ITGA3: variants seen among roughly 807,000 people sequenced by gnomAD.
The protein encoded by ITGA3 is integrin alpha-3.
In ITGA3, 70 loss-of-function variants were observed where a neutral mutation model predicts 131.1. The observed-to-expected ratio is 0.53, with a 90% CI of 0.44 to 0.65. The LOEUF is 0.65. Ranked by LOEUF, ITGA3 falls within the 30% of genes least tolerant of loss-of-function variation. The pLI is 0.00. For synonymous variants in ITGA3, 537 were observed against 571.6 expected (o/e 0.94, Z 0.86); for missense variants, 1,098 against 1,388.6 (o/e 0.79, Z 3.33).
rs780284856 is a variant in ITGA3, at chr17:50,072,153, T to C, written c.1127T>C (p.Ile376Thr). ...GSAFGLSVAS[I>T]GDINQDGFQD... ...GCCTTTGGTTTATCTGTGGCCAGCA[T>C]TGGTGACATCAACCAGGATGGATTT... The change falls in exon 7 of 26, where the codon ATT becomes ACT. Residue 376 changes from isoleucine (I) to threonine (T), a missense_variant. Ile to Thr is a moderately conservative substitution (Grantham distance 89). Coordinates refer to ENST00000320031, the MANE Select transcript of ITGA3 (RefSeq NM_002204.4). 11 of 1,613,656 alleles carry C rather than the reference T, an allele frequency of 6.8e-6. No homozygotes were observed. Among genetic ancestry groups the C allele is most frequent in the Admixed American group, 1.7e-5 (1 of 59,978 alleles).
intron 1 of ITGA3, among the ~76,000 whole-genome samples, chr17:50,061,841 A>G (rs1908096942): frequency 6.6e-6 from 1 of 152,132 alleles, no homozygotes; most frequent in Admixed American, 6.5e-5. Flanking sequence ...GGAGTTCGAC[A>G]TCAGCCTGGC....
At position 50,072,062 on chromosome 17, in the gene ITGA3, A is replaced by C. The variant is rs765910090; in HGVS notation, c.1036A>C (p.Met346Leu). ...AGTAGGGGGTGCCATCTATGTCTTC[A>C]TGAACCAGGCGGGAACCTCCTTCCC... Reference protein sequence around the residue: ...EEVGGAIYVFMNQAGTSFPAH... With the variant: ...EEVGGAIYVFLNQAGTSFPAH... Residue 346 changes from methionine (M) to leucine (L), a missense_variant, in exon 7 of 26, where the codon ATG (methionine) becomes CTG (leucine). Met to Leu is a conservative substitution (Grantham distance 15). Coordinates refer to ENST00000320031, the MANE Select transcript of ITGA3 (RefSeq NM_002204.4). The C allele has an allele frequency of 6.2e-7, 1 of 1,614,046 alleles. No individual in the cohort carries two copies. Among genetic ancestry groups the C allele is most frequent in the East Asian group, 2.2e-5 (1 of 44,852 alleles).
At chr17:50,067,920 A>G (rs552131459) in intron 3 of ITGA3, 136 bp from the exon 4 acceptor site, 3 of 1,153,574 alleles carry the variant, frequency 2.6e-6, no homozygotes, top group South Asian at 2.9e-5. Context: ...AGGTTTAAGT[A>G]TCACTGGGAG....
At chr17:50,071,189 A>T in intron 5 of ITGA3, 122 bp from the exon 6 acceptor site, 2 of 914,826 alleles carry the variant, frequency 2.2e-6, no homozygotes, top group Non-Finnish European at 3.4e-6. Context: ...TTCTTGCCCT[A>T]CTTGGAATAG....
intron 4 of ITGA3, among the ~76,000 whole-genome samples, chr17:50,069,512 A>G (rs1278787337): frequency 6.6e-6 from 1 of 152,018 alleles, no homozygotes; most frequent in African/African-American, 2.4e-5. Context: ...CAAAAAATTT[A>G]AAAATTAGCC....
At position 50,074,457 on chromosome 17, in the gene ITGA3, C is replaced by T. The variant is rs1126539; in HGVS notation, c.1392C>T (p.Pro464=). 41 of 1,613,888 alleles carry T rather than the reference C, an allele frequency of 2.5e-5. No individual in the cohort carries two copies. In the Admixed American group the frequency reaches 2.8e-4, roughly 11 times the overall value. Residue 464 remains proline (P), a synonymous_variant, in exon 10 of 26, where the codon CCC becomes CCT. Coordinates refer to ENST00000320031, the MANE Select transcript of ITGA3 (RefSeq NM_002204.4). ...SDHIVLLRAR[P]VINIVHKTLV... is the part of the protein sequence containing the mutation. Reference sequence around the variant, plus strand: ...TCTGTTGTCTCTGCAGGGCCCGGCCCGTCATCAACATCGTCCACAAGACCT... The same window carrying T: ...TCTGTTGTCTCTGCAGGGCCCGGCCTGTCATCAACATCGTCCACAAGACCT...
intron 25 of ITGA3, 22 bp downstream of exon 25, chr17:50,088,388 C>A: frequency 7.6e-7 from 1 of 1,320,258 alleles, no homozygotes; most frequent in South Asian, 1.3e-5. Context: ...TCCGGGCCCC[C>A]TTCCCCGAGC....
At chr17:50,071,150 C>T (rs1172732603) in intron 5 of ITGA3, among the ~76,000 whole-genome samples, 161 bp from the exon 6 acceptor site, 2 of 152,198 alleles carry the variant, frequency 1.3e-5, no homozygotes, top group Admixed American at 1.3e-4. Context: ...CAGAACTGGG[C>T]CATGGCTGCT....
At chr17:50,087,632 C>G in intron 23 of ITGA3, 112 bp from the exon 24 acceptor site, 1 of 1,242,244 alleles carries the variant, frequency 8.0e-7, no homozygotes, top group Non-Finnish European at 1.1e-6. Flanking sequence ...CCAGGCTGCC[C>G]CCTACTGGCA....
chr17:50,065,640 T>C (rs1908300776), intron 3 of ITGA3: 1 of 152,306 alleles, frequency 6.6e-6, no homozygotes, highest in African/African-American at 2.4e-5. Flanking sequence ...GCAAGTCCCA[T>C]CTTACGCTGA....
intron 23 of ITGA3, among the ~76,000 whole-genome samples, chr17:50,085,152 A>C (rs1309971299): frequency 6.6e-6 from 1 of 151,576 alleles, no homozygotes; most frequent in Non-Finnish European, 1.5e-5. Flanking sequence ...CAGTGAGCCA[A>C]GATCGCACCA....
chr17:50,076,224 G>A (rs972867530), intron 12 of ITGA3, 102 bp from the exon 13 acceptor site: 3 of 1,303,714 alleles, frequency 2.3e-6, no homozygotes, highest in Non-Finnish European at 2.1e-6. Context: ...TTTTCAGGGT[G>A]GGGGGCGGGT....
Position 50,056,234 on chromosome 17 carries a change from T to G in ITGA3, c.-206T>G, listed in dbSNP as rs1907796962. On this transcript the variant is annotated 5_prime_UTR_variant, in exon 1 of 26. Coordinates refer to ENST00000320031, the MANE Select transcript of ITGA3 (RefSeq NM_002204.4). This position sits in a 1 kb window ranked among gnomAD's most constrained non-coding sequence, Gnocchi z 5.6. Reference sequence around the variant, plus strand: ...CCCGGCCGCTGGGGAGGCAGGAAGATAGACCCACGGATCTTAGGAAGGGAT... The same window carrying G: ...CCCGGCCGCTGGGGAGGCAGGAAGAGAGACCCACGGATCTTAGGAAGGGAT... 2 of 456,656 alleles carry G rather than the reference T, an allele frequency of 4.4e-6. No individual in the cohort carries two copies. Among genetic ancestry groups the G allele is most frequent in the Admixed American group, 8.8e-5 (2 of 22,616 alleles). The allele number at this position is 456,656 out of a possible 1,614,324, so 28.3% of individuals were successfully genotyped here. A position where few individuals can be genotyped will look rare whatever the true frequency, so the allele number is the denominator to read the frequency against.
At chr17:50,077,945 C>A in intron 16 of ITGA3, 101 bp from the exon 17 acceptor site, 1 of 975,206 alleles carries the variant, frequency 1.0e-6, no homozygotes, top group Non-Finnish European at 1.6e-6. Context: ...GAGGAGAAGG[C>A]CAGAAAGCCA....
rs149681183 is a variant in ITGA3, at chr17:50,078,835, G to A, written c.2309G>A (p.Arg770Gln). The A allele has an allele frequency of 2.2e-5, 35 of 1,609,678 alleles. No individual in the cohort carries two copies. The Middle Eastern group carries it at 6.6e-4, about 30-fold the overall frequency. ...LQTSLSMVNHRLQSFFGGTVM... is the reference protein window; with the variant it reads ...LQTSLSMVNHQLQSFFGGTVM... Reference sequence around the variant, plus strand: ...CTTCTTACCCCTAGGGTAAATCACCGGCTACAAAGCTTCTTTGGGGGGACA... The same window carrying A: ...CTTCTTACCCCTAGGGTAAATCACCAGCTACAAAGCTTCTTTGGGGGGACA... Residue 770 changes from arginine (R) to glutamine (Q), a missense_variant, in exon 19 of 26, where the codon CGG becomes CAG. Coordinates refer to ENST00000320031, the MANE Select transcript of ITGA3 (RefSeq NM_002204.4).
chr17:50,057,667 GATCTGCCAGGC>G (rs1907892625), intron 1 of ITGA3, among the ~76,000 whole-genome samples: 2 of 152,362 alleles, frequency 1.3e-5, no homozygotes, highest in Admixed American at 1.3e-4. Context: ...TGGGCTGGGC[GATCTGCCAGGC>G]ATCTGCCCCC....
In ITGA3 at chr17:50,090,275, C is replaced by T. The variant is rs1183522491; in HGVS notation, c.*1197C>T. The T allele has an allele frequency of 2.2e-6, 1 of 456,426 alleles. No homozygotes were observed. Among genetic ancestry groups the T allele is most frequent in the Non-Finnish European group, 4.4e-6 (1 of 226,866 alleles). 28.3% of individuals were successfully genotyped at this position (456,426 alleles called of 1,614,324 possible). Reference sequence around the variant, plus strand: ...CTTTCAGAGCCAGCCTGGCTCTGCCCCCTCCCCCATGGGCTGTGTCCTAAG... The same window carrying T: ...CTTTCAGAGCCAGCCTGGCTCTGCCTCCTCCCCCATGGGCTGTGTCCTAAG... On this transcript the variant is annotated 3_prime_UTR_variant, in exon 26 of 26. Coordinates refer to ENST00000320031, the MANE Select transcript of ITGA3 (RefSeq NM_002204.4).
intron 13 of ITGA3, 33 bp from the exon 14 acceptor site, chr17:50,076,551 G>GC (rs769213988): frequency 6.2e-7 from 1 of 1,607,906 alleles, no homozygotes. Flanking sequence ...TGGGGGGGGT[G>GC]GTGCGGCCTT....
In ITGA3 at chr17:50,075,658, G is replaced by T. The variant is rs377600580; in HGVS notation, c.1597G>T (p.Gly533Cys). 5 of 1,614,100 alleles carry T rather than the reference G, an allele frequency of 3.1e-6. No individual in the cohort carries two copies. Among genetic ancestry groups the T allele is most frequent in the Non-Finnish European group, 4.2e-6 (5 of 1,180,058 alleles). ...DRRPPRLRFA[G>C]SESAVFHGFF... Reference sequence around the variant, plus strand: ...CCGGCCGCCCCGGCTCCGCTTTGCCGGCAGTGAGTCCGCTGTCTTCCACGG... The same window carrying T: ...CCGGCCGCCCCGGCTCCGCTTTGCCTGCAGTGAGTCCGCTGTCTTCCACGG... Residue 533 changes from glycine (G) to cysteine (C), a missense_variant, in exon 12 of 26, where the codon GGC becomes TGC. By Grantham distance (159) the Gly-to-Cys change is radical (BLOSUM62 -3). Coordinates refer to ENST00000320031, the MANE Select transcript of ITGA3 (RefSeq NM_002204.4).
Sources: gnomAD v4.1 joint callset for allele counts (sites outside exome capture counted in the v4.1 genomes callset) on GRCh38, gnomAD v4.1.1 for gene constraint, Gnocchi (gnomAD v3.1) non-coding constraint, MANE v1.5 for transcripts, NCBI Gene and HGNC (gene_info 2026-07-23, HGNC 2026-07-21) for gene names.